Variants in ATRX observed in about 807,000 individuals in gnomAD.
ATRX encodes the protein chromatin remodeler ATRX.
ATRX carries 12 observed loss-of-function variants against 172.6 expected under a neutral mutation model. The observed-to-expected ratio is 0.07, with a 90% CI of 0.04 to 0.11. The LOEUF (loss-of-function observed/expected upper bound fraction) is 0.11, where lower values mean the gene tolerates loss of function less well. Among genes scored for constraint, ATRX ranks in the 10% least tolerant of loss-of-function variants. The probability of loss-of-function intolerance (pLI) is 1.00; values close to 1 mark genes in which losing one functional copy is unlikely to be tolerated. For synonymous variants in ATRX, 674 were observed against 594.7 expected (o/e 1.13, Z -1.94); for missense variants, 1,368 against 1,767.4 (o/e 0.77, Z 4.05).
At chrX:77,721,867 G>A (rs1255823243) in intron 1 of ATRX, among the ~76,000 whole-genome samples, 4 of 111,422 alleles carry the variant, frequency 3.6e-5, no homozygotes, top group Non-Finnish European at 5.6e-5. Context: ...ACAGGGCCAC[G>A]ACAATCCTAA....
At chrX:77,550,471 T>C (rs1186992640) in intron 30 of ATRX, among the ~76,000 whole-genome samples, 1 of 111,397 alleles carries the variant, frequency 9.0e-6, no homozygotes, top group Non-Finnish European at 1.9e-5. Flanking sequence ...TATCTCAAAA[T>C]AATAAGAGCT....
chrX:77,759,407 T>C (rs1165313435), intron 1 of ATRX, among the ~76,000 whole-genome samples: 1 of 110,314 alleles, frequency 9.1e-6, no homozygotes, highest in African/African-American at 3.3e-5. Context: ...ATTATCTATA[T>C]AACTTAATAC....
chrX:77,622,109 T>C (rs2068124668), intron 19 of ATRX, among the ~76,000 whole-genome samples: 1 of 111,807 alleles, frequency 8.9e-6, no homozygotes, highest in Non-Finnish European at 1.9e-5. Context: ...TTTACAATAA[T>C]TATCAAAATG....
intron 1 of ATRX, among the ~76,000 whole-genome samples, chrX:77,745,854 C>T (rs2148862696): frequency 9.0e-6 from 1 of 111,501 alleles, no homozygotes; most frequent in South Asian, 3.8e-4. Context: ...AGTTATTGAA[C>T]ATTGTATGTC....
At position 77,763,473 on chromosome X, in the gene ATRX, TAA is replaced by T. The variant is rs782021851; in HGVS notation, c.20+22507_20+22508del. The stretch of plus-strand genomic sequence containing the variant: ...ATACTATTTTCTTTTTTCTTTTTTT[TAA>T]AAAAAAAAAAAAAAAAAATGAGTCT... On this transcript the variant is annotated intron_variant, in intron 1 of 34. Transcript: ENST00000373344. Among the ~76,000 whole-genome samples the T allele has an allele frequency of 2.3e-3, 196 of 84,063 alleles. 1 individual carries two copies. Among genetic ancestry groups the T allele is most frequent in the African/African-American group, 6.5e-3 (140 of 21,636 alleles). The allele number at this position is 84,063 out of a possible 115,157, so 73.0% of individuals were successfully genotyped here. A position where few individuals can be genotyped will look rare whatever the true frequency, so the allele number is the denominator to read the frequency against.
chrX:77,689,665 C>T (rs1305642809), intron 6 of ATRX, among the ~76,000 whole-genome samples: 5 of 112,341 alleles, frequency 4.5e-5, no homozygotes, highest in African/African-American at 1.6e-4. Flanking sequence ...CCTACAGAAA[C>T]CTCTCCAGCC....
At chrX:77,530,541 G>A (rs1178207291) in intron 30 of ATRX, among the ~76,000 whole-genome samples, 2 of 111,352 alleles carry the variant, frequency 1.8e-5, no homozygotes, top group Admixed American at 9.6e-5. Flanking sequence ...CCCAGGAGGC[G>A]GAGGTTGGAG....
At chrX:77,722,505 A>T (rs966198164) in intron 1 of ATRX, among the ~76,000 whole-genome samples, 16 of 111,834 alleles carry the variant, frequency 1.4e-4, no homozygotes, top group African/African-American at 4.5e-4. Flanking sequence ...AAAAAAGCAA[A>T]CAACCCTAAC....
intron 1 of ATRX, among the ~76,000 whole-genome samples, chrX:77,745,684 C>A (rs1557184538): frequency 9.0e-6 from 1 of 110,703 alleles, no homozygotes. Context: ...ATGAATAAGA[C>A]CTAGCATTTG....
intron 30 of ATRX, among the ~76,000 whole-genome samples, chrX:77,551,392 T>A (rs1557056124): frequency 8.9e-6 from 1 of 111,974 alleles, no homozygotes; most frequent in Non-Finnish European, 1.9e-5. Context: ...ATAAATGGTG[T>A]GCTGGGAAAA....
intron 19 of ATRX, among the ~76,000 whole-genome samples, chrX:77,624,161 C>G (rs925101557): frequency 1.8e-5 from 2 of 110,984 alleles, no homozygotes; most frequent in African/African-American, 3.3e-5. Flanking sequence ...GTCAGGAGAT[C>G]GAGACCATCC....
At chrX:77,638,078 T>G (rs782554408) in intron 15 of ATRX, among the ~76,000 whole-genome samples, 15 of 111,573 alleles carry the variant, frequency 1.3e-4, no homozygotes, top group Non-Finnish European at 2.6e-4. Flanking sequence ...ACAAATGAAT[T>G]TGTTAATGTT....
At chrX:77,680,668 C>T (rs1052013053) in intron 9 of ATRX, among the ~76,000 whole-genome samples, 7 of 111,230 alleles carry the variant, frequency 6.3e-5, no homozygotes, top group Non-Finnish European at 7.6e-5. Flanking sequence ...GTTGGAAATA[C>T]AATTTTATGT....
intron 12 of ATRX, among the ~76,000 whole-genome samples, chrX:77,661,467 G>T (rs868948374): frequency 1.1e-5 from 1 of 91,392 alleles, no homozygotes; most frequent in African/African-American, 4.3e-5. Context: ...TACAGTAATT[G>T]AAAAAAAAAA....
intron 29 of ATRX, among the ~76,000 whole-genome samples, chrX:77,558,219 G>C (rs2064871114): frequency 1.8e-5 from 2 of 110,077 alleles, no homozygotes; most frequent in Admixed American, 1.9e-4. Flanking sequence ...AAATGAGAAT[G>C]TACAGAAGTT....
rs782763022 is a variant in ATRX, at chrX:77,659,693, C to T, written c.4121-3040G>A. ...CAATATTTACAATTTCAAATTGTCACTAAAATAATTTTGTAACATTTTTCT... is the reference window on the plus strand; with the variant it reads ...CAATATTTACAATTTCAAATTGTCATTAAAATAATTTTGTAACATTTTTCT... On this transcript the variant is annotated intron_variant, in intron 12 of 34. Coordinates refer to ENST00000373344, the MANE Select transcript of ATRX (RefSeq NM_000489.6). Among the ~76,000 whole-genome samples, 3 of 111,611 alleles carry T rather than the reference C, an allele frequency of 2.7e-5. No individual in the cohort carries two copies. The South Asian group carries it at 1.1e-3, about 42-fold the overall frequency.
intron 30 of ATRX, among the ~76,000 whole-genome samples, chrX:77,552,733 C>T (rs782021079): frequency 9.0e-6 from 1 of 110,808 alleles, no homozygotes. Flanking sequence ...CTAATTAAGT[C>T]TGAGGTATTA....
chrX:77,609,280 T>G (rs914690552), intron 22 of ATRX, among the ~76,000 whole-genome samples: 1 of 111,607 alleles, frequency 9.0e-6, no homozygotes, highest in Non-Finnish European at 1.9e-5. Context: ...AGATTGGCAC[T>G]CCTATGTTTG....
chrX:77,600,816 A>G (rs1207573193), intron 22 of ATRX: 3 of 278,520 alleles, frequency 1.1e-5, no homozygotes, highest in Non-Finnish European at 1.9e-5. Flanking sequence ...TAATGCATTA[A>G]GTAACAAAAT....
Sources: gnomAD v4.1 joint callset for allele counts (sites outside exome capture counted in the v4.1 genomes callset) on GRCh38, gnomAD v4.1.1 for gene constraint, MANE v1.5 for transcripts, NCBI Gene and HGNC (gene_info 2026-07-23, HGNC 2026-07-21) for gene names.